RYR2: variants seen among roughly 807,000 people sequenced by gnomAD.
The protein encoded by RYR2 is cardiac muscle ryanodine receptor-calcium release channel.
In RYR2, 227 loss-of-function variants were observed where a neutral mutation model predicts 601.1. The ratio of observed to expected loss-of-function variants is 0.38; its 90% CI spans 0.34 to 0.42. RYR2 has a LOEUF of 0.42. Ranked by LOEUF, RYR2 falls within the 10% of genes least tolerant of loss-of-function variation. The pLI is 1.00. For synonymous variants in RYR2, 2,223 were observed against 2,175.1 expected (o/e 1.02, Z -0.61); for missense variants, 4,646 against 6,156.5 (o/e 0.75, Z 8.21).
At position 237,639,736 on chromosome 1, in the gene RYR2, T is replaced by C. The variant is rs1681263952; in HGVS notation, c.7115+535T>C. On this transcript the variant is annotated intron_variant, in intron 46 of 104. Transcript: ENST00000366574. ...ATCTGTAGGTATACGTTGTTAATAC[T>C]AGAGTCCAGTCATCGACATAAGTAA... 2.0e-5 allele frequency among the ~76,000 whole-genome samples: 3 copies of C among 152,166 alleles called. No homozygotes were observed. In the South Asian group the frequency reaches 6.2e-4, roughly 32 times the overall value.
chr1:237,182,151 G>T (rs1218137159), intron 1 of RYR2, among the ~76,000 whole-genome samples: 2 of 140,420 alleles, frequency 1.4e-5, no homozygotes, highest in Admixed American at 7.4e-5. Context: ...AGATGGAGTC[G>T]CACTCTATTG....
intron 1 of RYR2, among the ~76,000 whole-genome samples, chr1:237,050,365 G>A (rs1179563469): frequency 2.0e-5 from 3 of 152,288 alleles, no homozygotes; most frequent in Admixed American, 1.3e-4. Context: ...GGGCTGAGGC[G>A]GGAACGAGGA....
intron 20 of RYR2, among the ~76,000 whole-genome samples, chr1:237,497,463 A>T (rs1229373604): frequency 1.3e-5 from 2 of 152,176 alleles, no homozygotes; most frequent in Non-Finnish European, 2.9e-5. Flanking sequence ...GCTCTTGATT[A>T]TGTAGATTTT....
chr1:237,529,797 A>ACACACACACC (rs1275409100), intron 24 of RYR2, among the ~76,000 whole-genome samples: 73 of 149,842 alleles, frequency 4.9e-4, no homozygotes, highest in Middle Eastern at 3.4e-3. Flanking sequence ...ACACACACAC[A>ACACACACACC]CCACGTATAT....
chr1:237,113,063 G>A (rs1669678305), intron 1 of RYR2, among the ~76,000 whole-genome samples: 1 of 152,066 alleles, frequency 6.6e-6, no homozygotes, highest in South Asian at 2.1e-4. Flanking sequence ...TAGGAATTGA[G>A]AACAAAACCC....
intron 1 of RYR2, among the ~76,000 whole-genome samples, chr1:237,055,058 G>A (rs186998005): frequency 1.8e-4 from 28 of 152,260 alleles, no homozygotes; most frequent in African/African-American, 5.1e-4. Flanking sequence ...CACCTCTGTC[G>A]GATCCTGTCA....
At chr1:237,463,666 C>T (rs185879611) in intron 16 of RYR2, among the ~76,000 whole-genome samples, 170 of 152,162 alleles carry the variant, frequency 1.1e-3, no homozygotes, top group African/African-American at 3.8e-3. Context: ...CATAAAGAGA[C>T]CCTGTCTCTA....
At chr1:237,830,656 C>T (rs1432307616) in intron 103 of RYR2, 26 bp downstream of exon 103, 1 of 1,223,090 alleles carries the variant, frequency 8.2e-7, no homozygotes, top group Non-Finnish European at 1.2e-6. Flanking sequence ...TCAGAATCTT[C>T]CACCTCTCCA....
At position 237,511,874 on chromosome 1, in the gene RYR2, A is replaced by G. The variant is rs559072621; in HGVS notation, c.2822+83A>G. 4.8e-5 allele frequency: 40 copies of G among 834,326 alleles called. No homozygotes were observed. The Admixed American group carries it at 7.0e-4, about 15-fold the overall frequency. 51.7% of individuals were successfully genotyped at this position (834,326 alleles called of 1,614,324 possible). ...AAAAAAAAAAACAGGTATTGATGCTATATGTTAATTGAGCTGTGAAGTGAT... is the reference window on the plus strand; with the variant it reads ...AAAAAAAAAAACAGGTATTGATGCTGTATGTTAATTGAGCTGTGAAGTGAT... On this transcript the variant is annotated intron_variant, in intron 24 of 104. Transcript: ENST00000366574.
chr1:237,719,453 T>G (rs1393351416), intron 73 of RYR2, among the ~76,000 whole-genome samples: 1 of 152,126 alleles, frequency 6.6e-6, no homozygotes, highest in African/African-American at 2.4e-5. Flanking sequence ...CATCTGCTTT[T>G]GGGGAGGTTC....
chr1:237,320,983 C>A (rs1472877544), intron 2 of RYR2, among the ~76,000 whole-genome samples: 3 of 145,968 alleles, frequency 2.1e-5, no homozygotes, highest in African/African-American at 5.1e-5. Context: ...TTTTTTAAAT[C>A]AATCACAAAT....
At chr1:237,597,517 T>C (rs1273358494) in intron 34 of RYR2, among the ~76,000 whole-genome samples, 1 of 151,862 alleles carries the variant, frequency 6.6e-6, no homozygotes, top group Non-Finnish European at 1.5e-5. Context: ...CCTGACCTTG[T>C]GATCCGCTCA....
At chr1:237,237,421 G>T (rs1685661156) in intron 1 of RYR2, among the ~76,000 whole-genome samples, 1 of 152,166 alleles carries the variant, frequency 6.6e-6, no homozygotes, top group Non-Finnish European at 1.5e-5. Context: ...AGGACCCAAA[G>T]AAACCTGAAA....
At chr1:237,259,789 C>T (rs1688348427) in intron 1 of RYR2, among the ~76,000 whole-genome samples, 1 of 152,046 alleles carries the variant, frequency 6.6e-6, no homozygotes, top group Non-Finnish European at 1.5e-5. Flanking sequence ...TGGAGGATGC[C>T]CAGTTCATCC....
chr1:237,654,436 T>C, intron 52 of RYR2, 22 bp downstream of exon 52: 1 of 1,612,252 alleles, frequency 6.2e-7, no homozygotes, highest in Non-Finnish European at 8.5e-7. Context: ...GTTTGTGGGT[T>C]TGTTTGTATC....
At chr1:237,772,833 T>C (rs940453227) in intron 86 of RYR2, among the ~76,000 whole-genome samples, 1 of 152,074 alleles carries the variant, frequency 6.6e-6, no homozygotes, top group Non-Finnish European at 1.5e-5. Flanking sequence ...CACCAAGAAG[T>C]GTTGCTGAAA....
intron 1 of RYR2, among the ~76,000 whole-genome samples, chr1:237,268,008 C>G (rs1689237300): frequency 6.6e-6 from 1 of 152,182 alleles, no homozygotes; most frequent in South Asian, 2.1e-4. Context: ...TGGGCATTCA[C>G]TGTACTTTTG....
At chr1:237,206,747 T>C (rs1226874529) in intron 1 of RYR2, among the ~76,000 whole-genome samples, 1 of 152,214 alleles carries the variant, frequency 6.6e-6, no homozygotes, top group East Asian at 1.9e-4. Context: ...CAAATTAGTT[T>C]GTTTATTCAG....
chr1:237,423,156 T>C lies in RYR2; in HGVS notation c.913T>C (p.Tyr305His), dbSNP rs1434397140. The change falls in exon 12 of 105, where the codon TAC becomes CAC. Residue 305 changes from tyrosine to histidine, a missense_variant. Tyr to His is a moderately conservative substitution (Grantham distance 83, BLOSUM62 2). Transcript: ENST00000366574. ...ACTACGCCATGTCACAACAGGAAAA[T>C]ACTTGAGTCTCATGGAAGACAAAAA... The part of the protein sequence containing the change: ...FRLRHVTTGK[Y>H]LSLMEDKNLL... 2 of 1,613,722 alleles carry C rather than the reference T, an allele frequency of 1.2e-6. No homozygotes were observed. Among genetic ancestry groups the C allele is most frequent in the Non-Finnish European group, 1.7e-6 (2 of 1,179,800 alleles).
Sources: allele counts gnomAD v4.1 joint callset (sites outside exome capture counted in the v4.1 genomes callset), GRCh38; gene constraint gnomAD v4.1.1; transcripts MANE v1.5; gene names NCBI Gene and HGNC (gene_info 2026-07-23, HGNC 2026-07-21).